PSTPIP2: variants seen among roughly 807,000 people sequenced by gnomAD.
The protein encoded by PSTPIP2 is proline-serine-threonine phosphatase interacting protein 2, also known as proline-serine-threonine phosphatase-interacting protein 2.
Under a neutral mutation model 63.3 loss-of-function variants are expected in PSTPIP2, and 33 were observed. That is an observed-to-expected ratio of 0.52 (90% CI 0.40 to 0.70). The LOEUF (loss-of-function observed/expected upper bound fraction) is 0.70. Among genes scored for constraint, PSTPIP2 ranks in the 30% least tolerant of loss-of-function variants. The pLI is 0.00. For synonymous variants in PSTPIP2, 125 were observed against 132.7 expected (o/e 0.94, Z 0.40); for missense variants, 312 against 400.7 (o/e 0.78, Z 1.89).
chr18:46,063,167 T>C (rs1390974018), intron 1 of PSTPIP2, among the ~76,000 whole-genome samples: 1 of 152,106 alleles, frequency 6.6e-6, no homozygotes, highest in Non-Finnish European at 1.5e-5. Flanking sequence ...CATGCCTTGC[T>C]AATTTTAAAA....
rs543523062 is a variant in PSTPIP2 at position 46,014,393 on chromosome 18, G to GA, written c.247+1509dup. On this transcript the variant is annotated intron_variant, in intron 4 of 14. Transcript: ENST00000409746. ...GAATAAATAAATAAGAATTCTTAAGGAAGAAACAGGATGTGGTTCTAAAAA... is the reference window on the plus strand; with the variant it reads ...GAATAAATAAATAAGAATTCTTAAGGAAAGAAACAGGATGTGGTTCTAAAAA... Among the ~76,000 whole-genome samples the GA allele has an allele frequency of 5.3e-3, 813 of 152,252 alleles. 9 individuals carry two copies. Among genetic ancestry groups the GA allele is most frequent in the Middle Eastern group, 0.014 (4 of 294 alleles).
chr18:45,988,428 C>G (rs1240802018), intron 14 of PSTPIP2, among the ~76,000 whole-genome samples: 1 of 92,646 alleles, frequency 1.1e-5, no homozygotes, highest in Non-Finnish European at 1.9e-5. Flanking sequence ...CAGCGAGACT[C>G]TGCTTCGAAA....
intron 14 of PSTPIP2, among the ~76,000 whole-genome samples, chr18:45,986,708 T>A (rs2051470837): frequency 6.6e-6 from 1 of 152,264 alleles, no homozygotes; most frequent in Non-Finnish European, 1.5e-5. Flanking sequence ...TCCTAAGTTA[T>A]ATATAGTTAA....
chr18:46,006,671 G>A (rs1013985318), intron 5 of PSTPIP2, among the ~76,000 whole-genome samples: 1 of 152,086 alleles, frequency 6.6e-6, no homozygotes, highest in African/African-American at 2.4e-5. Flanking sequence ...ACCGCGCCCG[G>A]CCTCCCTGTT....
At chr18:46,047,735 G>C (rs1418358858) in intron 1 of PSTPIP2, among the ~76,000 whole-genome samples, 1 of 152,058 alleles carries the variant, frequency 6.6e-6, no homozygotes, top group Non-Finnish European at 1.5e-5. Context: ...ACATGAGTAA[G>C]TGTTCTTCAA....
intron 1 of PSTPIP2, among the ~76,000 whole-genome samples, chr18:46,042,253 T>C (rs1908220859): frequency 6.6e-6 from 1 of 152,204 alleles, no homozygotes; most frequent in Admixed American, 6.5e-5. Flanking sequence ...ATTTGTCCAC[T>C]GGCCTCCTCC....
intron 8 of PSTPIP2, 103 bp downstream of exon 8, chr18:45,998,691 T>C (rs574106245): frequency 3.4e-6 from 4 of 1,163,166 alleles, no homozygotes; most frequent in Non-Finnish European, 3.7e-6. Flanking sequence ...TATCCATATA[T>C]TCTCTCTTTA....
intron 12 of PSTPIP2, among the ~76,000 whole-genome samples, chr18:45,991,636 T>C (rs1292901572): frequency 1.3e-5 from 2 of 152,198 alleles, no homozygotes; most frequent in African/African-American, 2.4e-5. Flanking sequence ...AAGAAAAGTA[T>C]AGGATTTCTA....
intron 1 of PSTPIP2, among the ~76,000 whole-genome samples, chr18:46,051,793 T>C (rs4890619): frequency 0.12 from 18,394 of 152,240 alleles, 1,432 homozygotes; most frequent in East Asian, 0.4. Context: ...CTGAGTGTAT[T>C]ACTGAAGTTA....
chr18:46,062,958 T>C (rs1401435675), intron 1 of PSTPIP2, among the ~76,000 whole-genome samples: 1 of 152,120 alleles, frequency 6.6e-6, no homozygotes, highest in African/African-American at 2.4e-5. Context: ...TCCACACAGG[T>C]CTCTGACTTC....
chr18:46,052,806 C>T (rs1276909429), intron 1 of PSTPIP2, among the ~76,000 whole-genome samples: 1 of 152,196 alleles, frequency 6.6e-6, no homozygotes, highest in African/African-American at 2.4e-5. Context: ...GGTACAATTA[C>T]TAAGATTATC....
intron 4 of PSTPIP2, among the ~76,000 whole-genome samples, chr18:46,012,035 G>A (rs927845249): frequency 2.6e-5 from 4 of 152,032 alleles, no homozygotes; most frequent in African/African-American, 9.7e-5. Flanking sequence ...TATATCAAAA[G>A]AGCTTCCACA....
At chr18:46,023,118 G>C (rs1056798531) in intron 3 of PSTPIP2, among the ~76,000 whole-genome samples, 4 of 152,202 alleles carry the variant, frequency 2.6e-5, no homozygotes, top group African/African-American at 9.7e-5. Flanking sequence ...CTATCAGAGG[G>C]TGGAGGATGG....
At chr18:46,058,506 G>A (rs530195245) in intron 1 of PSTPIP2, among the ~76,000 whole-genome samples, 2 of 151,846 alleles carry the variant, frequency 1.3e-5, no homozygotes, top group African/African-American at 2.4e-5. Context: ...ACAGGGGTGC[G>A]CCACCACACC....
At chr18:46,045,103 A>C (rs1429369037) in intron 1 of PSTPIP2, among the ~76,000 whole-genome samples, 3 of 152,222 alleles carry the variant, frequency 2.0e-5, no homozygotes, top group Non-Finnish European at 4.4e-5. Flanking sequence ...CAGTGTGGCG[A>C]TTCCTCAGGG....
chr18:46,021,151 C>G (rs915525230), intron 3 of PSTPIP2, among the ~76,000 whole-genome samples: 2 of 152,008 alleles, frequency 1.3e-5, no homozygotes, highest in African/African-American at 2.4e-5. Context: ...TAGTTTGGAC[C>G]CTTGGACGTG....
chr18:46,015,708 C>A (rs891148292), intron 4 of PSTPIP2, among the ~76,000 whole-genome samples, 195 bp downstream of exon 4: 2 of 152,100 alleles, frequency 1.3e-5, no homozygotes, highest in African/African-American at 4.8e-5. Flanking sequence ...GTAAGGCAAA[C>A]ACACATCATG....
At chr18:46,035,433 G>A (rs662201) in intron 2 of PSTPIP2, among the ~76,000 whole-genome samples, 1,631 of 17,190 alleles carry the variant, frequency 0.095, 31 homozygotes, top group Middle Eastern at 0.17. Context: ...AAAAAAAAAA[G>A]AAAAGAGAGA....
chr18:46,025,727 C>G (rs1159267188), intron 2 of PSTPIP2, among the ~76,000 whole-genome samples: 2 of 151,706 alleles, frequency 1.3e-5, no homozygotes, highest in Non-Finnish European at 2.9e-5. Flanking sequence ...AGAAAAAAAC[C>G]TAAATGAACA....
Sources: allele counts gnomAD v4.1 joint callset (sites outside exome capture counted in the v4.1 genomes callset), GRCh38; gene constraint gnomAD v4.1.1; transcripts MANE v1.5; gene names NCBI Gene and HGNC (gene_info 2026-07-23, HGNC 2026-07-21).